Variants in DIAPH3 observed in about 807,000 individuals in gnomAD.
DIAPH3 encodes protein diaphanous homolog 3.
Under a neutral mutation model 144.3 loss-of-function variants are expected in DIAPH3, and 117 were observed. The observed-to-expected ratio is 0.81, with a 90% CI of 0.70 to 0.95. The LOEUF (loss-of-function observed/expected upper bound fraction) is 0.95, where lower values mean the gene tolerates loss of function less well. Ranked by LOEUF, DIAPH3 falls within the 40% of genes least tolerant of loss-of-function variation. The probability of loss-of-function intolerance (pLI) is 0.00; values close to 1 mark genes in which losing one functional copy is unlikely to be tolerated. For synonymous variants in DIAPH3, 519 were observed against 488.9 expected (o/e 1.06, Z -0.81); for missense variants, 1,421 against 1,412.7 (o/e 1.01, Z -0.09).
At chr13:59,838,802 T>C (rs1345120753) in intron 23 of DIAPH3, 1 of 154,140 alleles carries the variant, frequency 6.5e-6, no homozygotes, top group Non-Finnish European at 1.4e-5. Flanking sequence ...AGGAAAAAAA[T>C]AGAAATTAAT....
intron 17 of DIAPH3, among the ~76,000 whole-genome samples, chr13:59,938,001 C>T (rs185511690): frequency 9.9e-5 from 15 of 152,126 alleles, no homozygotes; most frequent in African/African-American, 3.4e-4. Context: ...TCTGCTTTTA[C>T]GTTCTTGTTT....
intron 27 of DIAPH3, among the ~76,000 whole-genome samples, chr13:59,756,468 A>T (rs9598049): frequency 1.1e-5 from 1 of 92,292 alleles, no homozygotes; most frequent in Non-Finnish European, 2.4e-5. Context: ...AAGGAAGGAA[A>T]GAAGGAAGGA....
At position 59,930,566 on chromosome 13, in the gene DIAPH3, T is replaced by C. The variant is rs566240513; in HGVS notation, c.2075-5696A>G. ...AAAAACTCTAAAGGCACTGAAAGAC[T>C]TGAAGATAATAAGAACAGAAAATAT... On this transcript the variant is annotated intron_variant, in intron 17 of 27. Transcript: ENST00000400324. Among the ~76,000 whole-genome samples, 5 of 152,276 alleles carry C rather than the reference T, an allele frequency of 3.3e-5. No homozygotes were observed. The East Asian group carries it at 9.6e-4, about 29-fold the overall frequency.
At chr13:59,830,144 G>T (rs2041695285) in intron 24 of DIAPH3, among the ~76,000 whole-genome samples, 2 of 151,744 alleles carry the variant, frequency 1.3e-5, no homozygotes, top group Non-Finnish European at 2.9e-5. Context: ...TTTCAAAGTT[G>T]AATAATACGG....
chr13:60,054,390 T>C (rs1203574291), intron 4 of DIAPH3, among the ~76,000 whole-genome samples: 1 of 152,054 alleles, frequency 6.6e-6, no homozygotes, highest in Non-Finnish European at 1.5e-5. Flanking sequence ...GTTATCTACA[T>C]AAAGCCTAAA....
At chr13:60,038,848 T>A (rs768389747) in intron 5 of DIAPH3, among the ~76,000 whole-genome samples, 4 of 144,750 alleles carry the variant, frequency 2.8e-5, no homozygotes, top group Non-Finnish European at 6.0e-5. Flanking sequence ...ATTTGCTATA[T>A]GCATAGATGA....
intron 18 of DIAPH3, among the ~76,000 whole-genome samples, chr13:59,918,398 G>T (rs141886417): frequency 1.3e-5 from 2 of 152,002 alleles, no homozygotes; most frequent in Non-Finnish European, 2.9e-5. Context: ...GGAATCTAAC[G>T]GTCCTTTGAG....
At chr13:60,064,627 C>A (rs1316092005) in intron 4 of DIAPH3, among the ~76,000 whole-genome samples, 1 of 152,194 alleles carries the variant, frequency 6.6e-6, no homozygotes, top group African/African-American at 2.4e-5. Context: ...CTAGTTTGAT[C>A]TTCCATCTGA....
At position 60,008,424 on chromosome 13, in the gene DIAPH3, A is replaced by G. The variant is rs377746138; in HGVS notation, c.1014+120T>C. ...TAAATAAATAAATAAATAATGCTAT[A>G]AAAGAATATTAAAAGGCATGCAGAG... is the stretch of plus-strand genomic sequence containing the variant. On this transcript the variant is annotated intron_variant, in intron 9 of 27. Coordinates refer to ENST00000400324, the MANE Select transcript of DIAPH3 (RefSeq NM_001042517.2). The G allele has an allele frequency of 4.6e-5, 31 of 679,192 alleles. No individual in the cohort carries two copies. In the African/African-American group the frequency reaches 4.9e-4, roughly 11 times the overall value. 42.1% of individuals were successfully genotyped at this position (679,192 alleles called of 1,614,324 possible).
At chr13:59,764,468 T>C (rs777091043) in intron 27 of DIAPH3, among the ~76,000 whole-genome samples, 12 of 151,454 alleles carry the variant, frequency 7.9e-5, no homozygotes, top group Non-Finnish European at 4.4e-5. Flanking sequence ...TGTGGTGTTG[T>C]GGATTGAACT....
chr13:59,925,459 T>C (rs1007242388), intron 17 of DIAPH3, among the ~76,000 whole-genome samples: 1 of 152,218 alleles, frequency 6.6e-6, no homozygotes, highest in Non-Finnish European at 1.5e-5. Context: ...GTTTTGCTAC[T>C]ATTTTGTTGA....
intron 21 of DIAPH3, among the ~76,000 whole-genome samples, chr13:59,861,845 C>A (rs547208730): frequency 6.6e-6 from 1 of 152,238 alleles, no homozygotes; most frequent in South Asian, 2.1e-4. Context: ...AGTATTTAAA[C>A]ATCCTTGGCA....
intron 22 of DIAPH3, among the ~76,000 whole-genome samples, chr13:59,859,891 TA>T (rs2139918967): frequency 6.6e-6 from 1 of 152,292 alleles, no homozygotes; most frequent in African/African-American, 2.4e-5. Context: ...AAAACATCTA[TA>T]ACTATATATA....
At chr13:59,847,032 T>C (rs768305479) in intron 22 of DIAPH3, among the ~76,000 whole-genome samples, 7 of 152,236 alleles carry the variant, frequency 4.6e-5, no homozygotes, top group African/African-American at 1.4e-4. Flanking sequence ...TAAGCAATGA[T>C]TGCATCACTG....
At chr13:59,721,070 C>T (rs1192727113) in intron 27 of DIAPH3, among the ~76,000 whole-genome samples, 2 of 152,160 alleles carry the variant, frequency 1.3e-5, no homozygotes, top group African/African-American at 2.4e-5. Context: ...AATTTTCATA[C>T]TGTAAAATTC....
chr13:59,777,136 C>T (rs1233198482), intron 25 of DIAPH3, among the ~76,000 whole-genome samples: 1 of 152,060 alleles, frequency 6.6e-6, no homozygotes, highest in African/African-American at 2.4e-5. Context: ...GATTCTAGAA[C>T]TGAGGCCAAG....
chr13:59,826,099 C>T (rs2139672768), intron 24 of DIAPH3, among the ~76,000 whole-genome samples: 1 of 152,202 alleles, frequency 6.6e-6, no homozygotes, highest in African/African-American at 2.4e-5. Context: ...AAACTGGAAG[C>T]ATTCCCTTTG....
chr13:60,078,482 A>T (rs2057447957), intron 4 of DIAPH3, among the ~76,000 whole-genome samples: 1 of 152,108 alleles, frequency 6.6e-6, no homozygotes, highest in South Asian at 2.1e-4. Context: ...ATCCCAGAAC[A>T]TCCCTGAGGG....
intron 2 of DIAPH3, among the ~76,000 whole-genome samples, chr13:60,125,376 T>C (rs1035972605): frequency 3.4e-5 from 5 of 147,348 alleles, no homozygotes; most frequent in Non-Finnish European, 7.4e-5. Context: ...CACATCTGCA[T>C]ACCATCACAC....
Sources: gnomAD v4.1 joint callset for allele counts (sites outside exome capture counted in the v4.1 genomes callset) on GRCh38, gnomAD v4.1.1 for gene constraint, MANE v1.5 for transcripts, NCBI Gene and HGNC (gene_info 2026-07-23, HGNC 2026-07-21) for gene names.